Variants in PLK1 observed in about 807,000 individuals in gnomAD.
PLK1 encodes the protein polo like kinase 1, also known as serine/threonine-protein kinase PLK1.
A neutral mutation model predicts 56.7 loss-of-function variants in PLK1; 6 were observed. That is an observed-to-expected ratio of 0.11 (90% CI 0.06 to 0.21). The LOEUF is 0.21. Among genes scored for constraint, PLK1 ranks in the 10% least tolerant of loss-of-function variants. PLK1 has a pLI of 1.00. For synonymous variants in PLK1, 298 were observed against 325.0 expected, an observed-to-expected ratio of 0.92 and a Z score of 0.89; for missense variants, 546 against 814.4, an observed-to-expected ratio of 0.67 and a Z score of 4.01.
chr16:23,680,080 A>G lies in PLK1; in HGVS notation c.409-4A>G. On this transcript the variant is annotated splice_polypyrimidine_tract_variant and splice_region_variant and intron_variant, in intron 1 of 9. Coordinates refer to ENST00000300093, the MANE Select transcript of PLK1 (RefSeq NM_005030.6). The stretch of plus-strand genomic sequence containing the variant: ...CCCTCCTGCCCTCTCCTTCCCACCC[A>G]CAGTCTCTCCTGGAGCTGCACAAGA... 1 of 1,611,298 alleles carries G rather than the reference A, an allele frequency of 6.2e-7. No individual in the cohort carries two copies. The highest frequency in any genetic ancestry group is 8.5e-7 in the Non-Finnish European group (1 of 1,178,064).
At position 23,689,799 on chromosome 16, in the gene PLK1, T is replaced by C; in HGVS notation, c.1609-61T>C. The C allele has an allele frequency of 2.6e-6, 4 of 1,544,994 alleles. No individual in the cohort carries two copies. In the South Asian group the frequency reaches 4.5e-5, roughly 17 times the overall value. The stretch of plus-strand genomic sequence containing the variant: ...TACCTATAACCTGTTGTGTCTTCCC[T>C]CTACTCCCTAACATACACTGGCCTC... On this transcript the variant is annotated intron_variant, in intron 9 of 9. Transcript: ENST00000300093. This position sits in a 1 kb window ranked among gnomAD's most constrained non-coding sequence, Gnocchi z 4.8.
At chr16:23,688,639 AAC>A in intron 6 of PLK1, 27 bp from the exon 7 acceptor site, 3 of 1,571,146 alleles carry the variant, frequency 1.9e-6, no homozygotes, top group Non-Finnish European at 2.6e-6. Context: ...GGTCCTGACC[AAC>A]TAACTGTCTG....
At chr16:23,682,297 A>G in intron 4 of PLK1, 140 bp downstream of exon 4, 1 of 589,160 alleles carries the variant, frequency 1.7e-6, no homozygotes, top group Non-Finnish European at 3.0e-6. Flanking sequence ...CTGTGTCTGA[A>G]ATTGCATACA....
intron 5 of PLK1, among the ~76,000 whole-genome samples, chr16:23,686,787 G>A (rs993052906): frequency 1.3e-5 from 2 of 152,184 alleles, no homozygotes; most frequent in Admixed American, 6.5e-5. Flanking sequence ...CACTGGGCCT[G>A]GCCTTGCTGG....
At chr16:23,679,614 G>A in intron 1 of PLK1, 1 of 440,634 alleles carries the variant, frequency 2.3e-6, no homozygotes, top group Non-Finnish European at 4.1e-6. Context: ...CTGGGGGGAG[G>A]GGTGCTGGTA....
chr16:23,679,607 G>T (rs536749326), intron 1 of PLK1: 11 of 456,690 alleles, frequency 2.4e-5, no homozygotes, highest in African/African-American at 1.4e-4. Context: ...CGAGGTGCTG[G>T]GGGGAGGGGT....
intron 5 of PLK1, among the ~76,000 whole-genome samples, chr16:23,686,602 C>T (rs1294860445): frequency 6.6e-6 from 1 of 152,182 alleles, no homozygotes; most frequent in Non-Finnish European, 1.5e-5. Flanking sequence ...AAGTGACTCT[C>T]CCACCTCAGC....
chr16:23,680,323 A>C, intron 2 of PLK1, 71 bp downstream of exon 2: 1 of 1,345,190 alleles, frequency 7.4e-7, no homozygotes, highest in Admixed American at 1.8e-5. Flanking sequence ...GGCTGGGAGA[A>C]AGGAAGGAGA....
At position 23,681,044 on chromosome 16, in the gene PLK1, C is replaced by T; in HGVS notation, c.708C>T (p.Ser236=). The change falls in exon 3 of 10, where the codon TCC becomes TCT. Residue 236 remains serine (S), a synonymous_variant. Transcript: ENST00000300093. ...KGHSFEVDVW[S]IGCIMYTLLV... Reference sequence around the variant, plus strand: ...ACAGTTTCGAGGTGGATGTGTGGTCCATTGGGTGTATCATGTAAGTTGGGA... The same window carrying T: ...ACAGTTTCGAGGTGGATGTGTGGTCTATTGGGTGTATCATGTAAGTTGGGA... 2 of 1,612,924 alleles carry T rather than the reference C, an allele frequency of 1.2e-6. No homozygotes were observed. Among genetic ancestry groups the T allele is most frequent in the Non-Finnish European group, 1.7e-6 (2 of 1,179,590 alleles).
chr16:23,684,805 C>A (rs1959398766), intron 5 of PLK1, among the ~76,000 whole-genome samples: 1 of 151,490 alleles, frequency 6.6e-6, no homozygotes, highest in Non-Finnish European at 1.5e-5. Flanking sequence ...CTACAGGCGC[C>A]CACCACCATG....
rs55649611 is a variant in PLK1 at position 23,689,043 on chromosome 16, C to T, written c.1271-195C>T. 1.7e-3 allele frequency among the ~76,000 whole-genome samples: 260 copies of T among 152,220 alleles called. No homozygotes were observed. Among genetic ancestry groups the T allele is most frequent in the African/African-American group, 5.8e-3 (243 of 41,540 alleles). Reference sequence around the variant, plus strand: ...GACTACAGGCGTGCACCATTATGCTCAGCTAATTTTTAAAATATTTTGTAG... The same window carrying T: ...GACTACAGGCGTGCACCATTATGCTTAGCTAATTTTTAAAATATTTTGTAG... On this transcript the variant is annotated intron_variant, in intron 7 of 9. Coordinates refer to ENST00000300093, the MANE Select transcript of PLK1 (RefSeq NM_005030.6). The surrounding 1 kb of genome is among the most constrained non-coding windows in gnomAD (Gnocchi z 4.8).
rs71154221 is a variant in PLK1 at position 23,684,957 on chromosome 16, C to CTT, written c.1036+909_1036+910dup. ...ACAGGCGTGAACCACCAGGCCCGGC[C>CTT]TTTTTTTTTTTTTTTTTTTTTTTTT... is the stretch of plus-strand genomic sequence containing the variant. On this transcript the variant is annotated intron_variant, in intron 5 of 9. Coordinates refer to ENST00000300093, the MANE Select transcript of PLK1 (RefSeq NM_005030.6). Among the ~76,000 whole-genome samples the CTT allele has an allele frequency of 2.7e-3, 151 of 56,932 alleles. 41 individuals carry two copies. Among genetic ancestry groups the CTT allele is most frequent in the Non-Finnish European group, 4.1e-3 (124 of 30,360 alleles). 37.3% of individuals were successfully genotyped at this position (56,932 alleles called of 152,430 possible). A position where few individuals can be genotyped will look rare whatever the true frequency, so the allele number is the denominator to read the frequency against.
Position 23,689,418 on chromosome 16 carries a change from G to C in PLK1, c.1425+26G>C. On this transcript the variant is annotated intron_variant, in intron 8 of 9. Coordinates refer to ENST00000300093, the MANE Select transcript of PLK1 (RefSeq NM_005030.6). The surrounding 1 kb of genome is among the most constrained non-coding windows in gnomAD (Gnocchi z 4.8). ...GTGAGTGCCGTCCGGCCCATGGGGG[G>C]TGGTGTTGCAGAAGTGGGACCTGTG... 6.2e-7 allele frequency: 1 copy of C among 1,602,234 alleles called. No homozygotes were observed. The highest frequency in any genetic ancestry group is 8.5e-7 in the Non-Finnish European group (1 of 1,169,896).
chr16:23,679,720 G>GA, intron 1 of PLK1: 1 of 271,048 alleles, frequency 3.7e-6, no homozygotes, highest in African/African-American at 2.2e-5. Flanking sequence ...CAGTGGGGGG[G>GA]TAGTTGGAGC....
rs71154221 is a variant in PLK1, at chr16:23,684,957, C to CTTTTTTTTTTTT, written c.1036+899_1036+910dup. Among the ~76,000 whole-genome samples the CTTTTTTTTTTTT allele has an allele frequency of 5.3e-5, 3 of 56,944 alleles. 1 individual carries two copies. The highest frequency in any genetic ancestry group is 2.7e-4 in the Admixed American group (1 of 3,706). The allele number at this position is 56,944 out of a possible 152,430, so 37.4% of individuals were successfully genotyped here. A position where few individuals can be genotyped will look rare whatever the true frequency, so the allele number is the denominator to read the frequency against. ...ACAGGCGTGAACCACCAGGCCCGGC[C>CTTTTTTTTTTTT]TTTTTTTTTTTTTTTTTTTTTTTTT... On this transcript the variant is annotated intron_variant, in intron 5 of 9. Transcript: ENST00000300093.
At chr16:23,684,803 G>A (rs1354553622) in intron 5 of PLK1, among the ~76,000 whole-genome samples, 1 of 151,310 alleles carries the variant, frequency 6.6e-6, no homozygotes, top group African/African-American at 2.4e-5. Context: ...GACTACAGGC[G>A]CCCACCACCA....
At chr16:23,682,680 G>T (rs932497467) in intron 4 of PLK1, among the ~76,000 whole-genome samples, 3 of 149,736 alleles carry the variant, frequency 2.0e-5, no homozygotes, top group Non-Finnish European at 4.4e-5. Flanking sequence ...CCACCACCTC[G>T]CCTGGCTTTT....
intron 7 of PLK1, 90 bp downstream of exon 7, chr16:23,688,835 G>A: frequency 1.1e-6 from 1 of 910,152 alleles, no homozygotes; most frequent in South Asian, 1.3e-5. Flanking sequence ...GAGCTCCCAG[G>A]TACTGTTCTC....
In PLK1 at chr16:23,680,241, A is replaced by C. The variant is rs1959309847; in HGVS notation, c.566A>C (p.Glu189Ala). The stretch of plus-strand genomic sequence containing the variant: ...AACCTTTTCCTGAATGAAGATCTGG[A>C]GGTGAAAATAGGTGAGTTGCTGAGC... ...LGNLFLNEDLEVKIGDFGLAT... is the reference protein window; with the variant it reads ...LGNLFLNEDLAVKIGDFGLAT... Residue 189 changes from glutamate (E) to alanine (A), a missense_variant, in exon 2 of 10, where the codon GAG (glutamate) becomes GCG (alanine). Glu to Ala is a moderately radical substitution (Grantham distance 107, BLOSUM62 -1). Coordinates refer to ENST00000300093, the MANE Select transcript of PLK1 (RefSeq NM_005030.6). The C allele has an allele frequency of 2.5e-6, 4 of 1,614,002 alleles. No individual in the cohort carries two copies. Among genetic ancestry groups the C allele is most frequent in the Non-Finnish European group, 3.4e-6 (4 of 1,179,912 alleles).
Sources: allele counts gnomAD v4.1 joint callset (sites outside exome capture counted in the v4.1 genomes callset), GRCh38; gene constraint gnomAD v4.1.1; non-coding constraint Gnocchi (gnomAD v3.1); transcripts MANE v1.5; gene names NCBI Gene and HGNC (gene_info 2026-07-23, HGNC 2026-07-21).